Variants in KRI1 observed in about 807,000 individuals in gnomAD.
KRI1 encodes the protein KRI1 homolog.
A neutral mutation model predicts 97.0 loss-of-function variants in KRI1; 83 were observed. That is an observed-to-expected ratio of 0.86 (90% CI 0.72 to 1.03). The LOEUF is 1.03. Among genes scored for constraint, KRI1 ranks in the 50% least tolerant of loss-of-function variants. KRI1 has a pLI of 0.00. For synonymous variants in KRI1, 371 were observed against 363.5 expected (o/e 1.02, Z -0.23); for missense variants, 916 against 928.4 (o/e 0.99, Z 0.17).
chr19:10,562,960 G>A, intron 3 of KRI1, 123 bp from the exon 4 acceptor site: 1 of 679,416 alleles, frequency 1.5e-6, no homozygotes, highest in Admixed American at 2.3e-5. Flanking sequence ...CCAATTCCCA[G>A]CTGTCCAAGA....
At chr19:10,563,809 C>T (rs1444128999) in intron 3 of KRI1, among the ~76,000 whole-genome samples, 1 of 152,106 alleles carries the variant, frequency 6.6e-6, no homozygotes, top group Non-Finnish European at 1.5e-5. Flanking sequence ...ACTATAAGCG[C>T]ACACCAGCAT....
intron 12 of KRI1, 132 bp downstream of exon 12, chr19:10,559,227 A>G (rs1738350427): frequency 1.1e-6 from 1 of 925,290 alleles, no homozygotes. Context: ...CTGATCTCGA[A>G]CTCCTGACCT....
rs1568421927 is a variant in KRI1 at position 10,558,030 on chromosome 19, G to A, written c.1301C>T (p.Pro434Leu). The change falls in exon 14 of 19, where the codon CCT becomes CTT. Residue 434 changes from proline to leucine, a missense_variant. Transcript: ENST00000312962. ...DDWNWDTWDG[P>L]EQEGDWSQQE... is the part of the protein sequence containing the mutation. Reference sequence around the variant, plus strand: ...CTGGCTCCAGTCTCCCTCCTGCTCAGGCCCGTCCCACGTGTCCCAGTTCCA... The same window carrying A: ...CTGGCTCCAGTCTCCCTCCTGCTCAAGCCCGTCCCACGTGTCCCAGTTCCA... 1.2e-6 allele frequency: 2 copies of A among 1,614,090 alleles called. No individual in the cohort carries two copies. Among genetic ancestry groups the A allele is most frequent in the Non-Finnish European group, 1.7e-6 (2 of 1,180,014 alleles).
Position 10,557,773 on chromosome 19 carries a change from T to C in KRI1, c.1482A>G (p.Glu494=). The C allele has an allele frequency of 6.2e-7, 1 of 1,613,378 alleles. No individual in the cohort carries two copies. Among genetic ancestry groups the C allele is most frequent in the Non-Finnish European group, 8.5e-7 (1 of 1,179,724 alleles). ...GCCTGCCCACCTGGGCCTCACCGGGTTCAAACACGGGCTTCTCCTGCCCCA... is the reference window on the plus strand; with the variant it reads ...GCCTGCCCACCTGGGCCTCACCGGGCTCAAACACGGGCTTCTCCTGCCCCA... ...AAVGQEKPVF[E]PGDKTFEEYL... The change falls in exon 15 of 19, where the codon GAA becomes GAG. Residue 494 remains glutamate, a synonymous_variant. Coordinates refer to ENST00000312962, the MANE Select transcript of KRI1 (RefSeq NM_023008.5).
Position 10,554,133 on chromosome 19 carries a change from G to A in KRI1, c.1930C>T (p.Pro644Ser), listed in dbSNP as rs1000369452. 3.1e-6 allele frequency: 5 copies of A among 1,614,124 alleles called. No individual in the cohort carries two copies. The highest frequency in any genetic ancestry group is 1.7e-4 in the Middle Eastern group (1 of 6,056). The change falls in exon 19 of 19, where the codon CCA becomes TCA. Residue 644 changes from proline (P) to serine (S), a missense_variant. Coordinates refer to ENST00000312962, the MANE Select transcript of KRI1 (RefSeq NM_023008.5). ...GCCCTCCTCCGCTTCTGGGGGGCTG[G>A]CTTCTTGTGGGGTGATACAGGGGCT... ...EEAPVSPHKK[P>S]APQKRRRAKK...
Position 10,559,936 on chromosome 19 carries a change from C to G in KRI1, c.801G>C (p.Gly267=). 6.2e-7 allele frequency: 1 copy of G among 1,610,520 alleles called. No homozygotes were observed. The highest frequency in any genetic ancestry group is 2.0e-4 in the Middle Eastern group (1 of 5,040). ...EDEEEMEEEE[G]VHGPPVQLAV... ...CCAGCTGGACTGGGGGACCGTGGAC[C>G]CTGAGGGGCAAGATGTGGTGATGCC... is the stretch of plus-strand genomic sequence containing the variant. Residue 267 remains glycine (G), a splice_region_variant and synonymous_variant, in exon 10 of 19, where the codon GGG becomes GGC. Transcript: ENST00000312962.
At chr19:10,560,888 A>G in intron 8 of KRI1, 115 bp downstream of exon 8, 1 of 775,716 alleles carries the variant, frequency 1.3e-6, no homozygotes, top group South Asian at 1.6e-5. Flanking sequence ...GAGATGTAGG[A>G]GCTGAGGCCC....
chr19:10,557,958 C>T lies in KRI1; in HGVS notation c.1359+14G>A. The T allele has an allele frequency of 6.2e-7, 1 of 1,614,092 alleles. No homozygotes were observed. Among genetic ancestry groups the T allele is most frequent in the Non-Finnish European group, 8.5e-7 (1 of 1,180,020 alleles). Reference sequence around the variant, plus strand: ...GTCAGGGCCCCTGGGACTCCCTCAACCCGTGATACCTACGTTGAAGTTGGG... The same window carrying T: ...GTCAGGGCCCCTGGGACTCCCTCAATCCGTGATACCTACGTTGAAGTTGGG... On this transcript the variant is annotated intron_variant, in intron 14 of 18. Transcript: ENST00000312962.
At position 10,553,893 on chromosome 19, in the gene KRI1, C is replaced by T; in HGVS notation, c.*58G>A. On this transcript the variant is annotated 3_prime_UTR_variant, in exon 19 of 19. Transcript: ENST00000312962. ...GCAGATAGTACTTGTGGGTGCGAGA[C>T]CTGTCCAGGGCTTGATTTGAGGAGA... 7.3e-7 allele frequency: 1 copy of T among 1,374,972 alleles called. No individual in the cohort carries two copies. Among genetic ancestry groups the T allele is most frequent in the Admixed American group, 2.7e-5 (1 of 37,358 alleles). The allele number at this position is 1,374,972 out of a possible 1,614,324, so 85.2% of individuals were successfully genotyped here. A position where few individuals can be genotyped will look rare whatever the true frequency, so the allele number is the denominator to read the frequency against.
At chr19:10,564,695 TTG>T (rs1916806708) in intron 3 of KRI1, among the ~76,000 whole-genome samples, 1 of 152,210 alleles carries the variant, frequency 6.6e-6, no homozygotes, top group Non-Finnish European at 1.5e-5. Flanking sequence ...TGCTAAGGAC[TTG>T]TGACTTGTGA....
At position 10,553,837 on chromosome 19, in the gene KRI1, G is replaced by A. The variant is rs570680198; in HGVS notation, c.*114C>T. The A allele has an allele frequency of 3.6e-5, 34 of 939,116 alleles. No homozygotes were observed. Among genetic ancestry groups the A allele is most frequent in the African/African-American group, 1.8e-4 (11 of 59,610 alleles). 58.2% of individuals were successfully genotyped at this position (939,116 alleles called of 1,614,324 possible). A position where few individuals can be genotyped will look rare whatever the true frequency, so the allele number is the denominator to read the frequency against. On this transcript the variant is annotated 3_prime_UTR_variant, in exon 19 of 19. Transcript: ENST00000312962. ...CTCCCAAAGTGCTGGGATTACAGGC[G>A]TGCCTGGCCACAGATGAGAGGATCT...
At position 10,560,038 on chromosome 19, in the gene KRI1, C is replaced by T. The variant is rs560114088; in HGVS notation, c.801-102G>A. The T allele has an allele frequency of 2.8e-6, 4 of 1,404,098 alleles. No individual in the cohort carries two copies. In the African/African-American group the frequency reaches 5.7e-5, roughly 20 times the overall value. 87.0% of individuals were successfully genotyped at this position (1,404,098 alleles called of 1,614,324 possible). On this transcript the variant is annotated intron_variant, in intron 9 of 18. Transcript: ENST00000312962. ...GAAGCGTATGAACTCATTTAATCCT[C>T]ACAAGAACCCTACAAGGTGCACGCT...
intron 2 of KRI1, 86 bp from the exon 3 acceptor site, chr19:10,565,120 T>C: frequency 1.1e-6 from 1 of 870,306 alleles, no homozygotes; most frequent in Non-Finnish European, 1.9e-6. Flanking sequence ...GCGTAGGGAT[T>C]AGGATGGAGG....
chr19:10,565,597 G>A, intron 2 of KRI1, 120 bp downstream of exon 2: 2 of 1,281,858 alleles, frequency 1.6e-6, no homozygotes, highest in African/African-American at 1.5e-5. Context: ...GGGAGCGGAG[G>A]ATGGGACGCT....
rs1285764858 is a variant in KRI1, at chr19:10,557,987, C to T, written c.1344G>A (p.Glu448=). 1 of 1,613,996 alleles carries T rather than the reference C, an allele frequency of 6.2e-7. No homozygotes were observed. Among genetic ancestry groups the T allele is most frequent in the East Asian group, 2.2e-5 (1 of 44,892 alleles). The change falls in exon 14 of 19, where the codon GAG becomes GAA. Residue 448 remains glutamate (E), a synonymous_variant. Transcript: ENST00000312962. ...TGATACCTACGTTGAAGTTGGGGTC[C>T]TCACAGTGCAGCTCCTGCTGGCTCC... is the stretch of plus-strand genomic sequence containing the variant. ...GDWSQQELHC[E]DPNFNMDADY...
Position 10,553,823 on chromosome 19 carries a change from C to A in KRI1, c.*128G>T. ...CCTTTCACCTCGGCCTCCCAAAGTG[C>A]TGGGATTACAGGCGTGCCTGGCCAC... On this transcript the variant is annotated 3_prime_UTR_variant, in exon 19 of 19. Coordinates refer to ENST00000312962, the MANE Select transcript of KRI1 (RefSeq NM_023008.5). The A allele has an allele frequency of 1.2e-6, 1 of 846,978 alleles. No individual in the cohort carries two copies. The highest frequency in any genetic ancestry group is 1.7e-6 in the Non-Finnish European group (1 of 573,234). 52.5% of individuals were successfully genotyped at this position (846,978 alleles called of 1,614,324 possible).
At position 10,558,004 on chromosome 19, in the gene KRI1, G is replaced by A. The variant is rs1916568488; in HGVS notation, c.1327C>T (p.Gln443Ter). 1 of 1,614,040 alleles carries A rather than the reference G, an allele frequency of 6.2e-7. No homozygotes were observed. Among genetic ancestry groups the A allele is most frequent in the African/African-American group, 1.3e-5 (1 of 75,008 alleles). The change falls in exon 14 of 19, where the codon CAG (glutamine) becomes TAG (stop). Residue 443 changes from glutamine to a stop codon, truncating the protein, a stop_gained. Coordinates refer to ENST00000312962, the MANE Select transcript of KRI1 (RefSeq NM_023008.5). LOFTEE classifies it high-confidence loss of function. ...GPEQEGDWSQ[Q>*]ELHCEDPNFN... ...TTGGGGTCCTCACAGTGCAGCTCCT[G>A]CTGGCTCCAGTCTCCCTCCTGCTCA...
rs984163617 is a variant in KRI1, at chr19:10,554,064, A to G, written c.1999T>C (p.Cys667Arg). 9.3e-6 allele frequency: 15 copies of G among 1,614,060 alleles called. No homozygotes were observed. Among genetic ancestry groups the G allele is most frequent in the African/African-American group, 2.7e-5 (2 of 74,930 alleles). Reference protein sequence around the residue: ...LLGPTVMLGGCEFSRQRLQAF... With the variant: ...LLGPTVMLGGREFSRQRLQAF... ...TGCAGTCTCTGGCGGCTGAACTCGC[A>G]TCCACCAAGCATCACAGTGGGGCCC... The change falls in exon 19 of 19, where the codon TGC becomes CGC. Residue 667 changes from cysteine to arginine, a missense_variant. Coordinates refer to ENST00000312962, the MANE Select transcript of KRI1 (RefSeq NM_023008.5).
At chr19:10,555,687 G>A (rs994413240) in intron 16 of KRI1, among the ~76,000 whole-genome samples, 8 of 152,196 alleles carry the variant, frequency 5.3e-5, no homozygotes, top group Admixed American at 4.6e-4. Context: ...CCAACCACCA[G>A]GCTTCCTAAT....
Sources: allele counts gnomAD v4.1 joint callset (sites outside exome capture counted in the v4.1 genomes callset), GRCh38; gene constraint gnomAD v4.1.1; transcripts MANE v1.5; gene names NCBI Gene and HGNC (gene_info 2026-07-23, HGNC 2026-07-21).